SNX14: variants seen among roughly 807,000 people sequenced by gnomAD.
SNX14 encodes the protein sorting nexin 14.
SNX14 carries 93 observed loss-of-function variants against 133.8 expected under a neutral mutation model. That is an observed-to-expected ratio of 0.70 (90% confidence interval 0.59 to 0.83). The LOEUF (loss-of-function observed/expected upper bound fraction) is 0.83. Ranked by LOEUF, SNX14 falls within the 40% of genes least tolerant of loss-of-function variation. SNX14 has a pLI of 0.00. For synonymous variants in SNX14, 368 were observed against 365.6 expected, an observed-to-expected ratio of 1.01 and a Z score of -0.07; for missense variants, 945 against 1,094.9, an observed-to-expected ratio of 0.86 and a Z score of 1.93.
In SNX14 at chr6:85,514,198, T is replaced by TGAACTC; in HGVS notation, c.2428_2429insGAGTTC (p.His809_His810insArgVal). On this transcript the variant is annotated inframe_insertion, in exon 25 of 29. Coordinates refer to ENST00000314673, the MANE Select transcript of SNX14 (RefSeq NM_153816.6). The stretch of plus-strand genomic sequence containing the variant: ...GAGGATTCGAGTTCCCATTAAGAGA[T>TGAACTC]GATGAAGCCAGTCAGGAACCTGGAA... 3.1e-6 allele frequency: 5 copies of TGAACTC among 1,613,692 alleles called. No individual in the cohort carries two copies. Among genetic ancestry groups the TGAACTC allele is most frequent in the Non-Finnish European group, 4.2e-6 (5 of 1,179,866 alleles).
At chr6:85,514,272 A>T (rs1774009057) in intron 24 of SNX14, 38 bp from the exon 25 acceptor site, 1 of 1,565,892 alleles carries the variant, frequency 6.4e-7, no homozygotes. Flanking sequence ...ATTGTTCCAG[A>T]TGAATTGGTA....
chr6:85,530,956 CTAATT>C (rs1780107110), intron 18 of SNX14, among the ~76,000 whole-genome samples: 1 of 151,760 alleles, frequency 6.6e-6, no homozygotes. Context: ...CCATATTGTC[CTAATT>C]TAATATAGTA....
At chr6:85,510,036 A>G (rs947960505) in intron 26 of SNX14, among the ~76,000 whole-genome samples, 3 of 152,146 alleles carry the variant, frequency 2.0e-5, no homozygotes, top group Non-Finnish European at 4.4e-5. Flanking sequence ...TTATTTATCC[A>G]TTCACCTAAA....
chr6:85,587,657 C>G (rs923094642), intron 1 of SNX14, among the ~76,000 whole-genome samples: 2 of 151,546 alleles, frequency 1.3e-5, no homozygotes, highest in South Asian at 4.2e-4. Flanking sequence ...AGACGGGGTT[C>G]CGCCATGTTG....
At chr6:85,533,302 C>G (rs1266585784) in intron 18 of SNX14, among the ~76,000 whole-genome samples, 1 of 152,196 alleles carries the variant, frequency 6.6e-6, no homozygotes, top group Non-Finnish European at 1.5e-5. Flanking sequence ...TAAGTAAGTG[C>G]AATGGCTAAT....
At chr6:85,534,340 C>T (rs1342002958) in intron 17 of SNX14, among the ~76,000 whole-genome samples, 3 of 152,158 alleles carry the variant, frequency 2.0e-5, no homozygotes, top group Admixed American at 1.3e-4. Context: ...TAGGATCACT[C>T]GGCAGTGAAA....
At position 85,544,780 on chromosome 6, in the gene SNX14, G is replaced by T. The variant is rs1489116991; in HGVS notation, c.1109-1020C>A. Among the ~76,000 whole-genome samples, 3 of 152,166 alleles carry T rather than the reference G, an allele frequency of 2.0e-5. No individual in the cohort carries two copies. The South Asian group carries it at 6.2e-4, about 31-fold the overall frequency. Reference sequence around the variant, plus strand: ...ATCTTTTCAGACACACAAAAGCTAAGAAAATTTATCTCCAGCATATTTGTA... The same window carrying T: ...ATCTTTTCAGACACACAAAAGCTAATAAAATTTATCTCCAGCATATTTGTA... On this transcript the variant is annotated intron_variant, in intron 12 of 28. Transcript: ENST00000314673.
At chr6:85,579,998 G>C (rs1438229093) in intron 1 of SNX14, among the ~76,000 whole-genome samples, 1 of 152,100 alleles carries the variant, frequency 6.6e-6, no homozygotes, top group Non-Finnish European at 1.5e-5. Flanking sequence ...TGGTTATTTT[G>C]TTTACCAAGG....
At position 85,538,748 on chromosome 6, in the gene SNX14, A is replaced by AT. The variant is rs1159455726; in HGVS notation, c.1475+89dup. The stretch of plus-strand genomic sequence containing the variant: ...ATGGCAGTTAATACCACAGTGTTCC[A>AT]TTTTTTTCCTTTTTATTTGTATTAG... On this transcript the variant is annotated intron_variant, in intron 16 of 28. Transcript: ENST00000314673. 8.4e-6 allele frequency: 10 copies of AT among 1,194,638 alleles called. No individual in the cohort carries two copies. In the East Asian group the frequency reaches 1.3e-4, roughly 16 times the overall value. The allele number at this position is 1,194,638 out of a possible 1,614,324, so 74.0% of individuals were successfully genotyped here.
intron 12 of SNX14, among the ~76,000 whole-genome samples, chr6:85,544,444 T>C (rs1331473364): frequency 6.6e-6 from 1 of 152,026 alleles, no homozygotes. Flanking sequence ...TGCATATAAC[T>C]GGAGTTGTTA....
At chr6:85,563,537 G>T (rs2128159038) in intron 6 of SNX14, among the ~76,000 whole-genome samples, 1 of 152,014 alleles carries the variant, frequency 6.6e-6, no homozygotes, top group South Asian at 2.1e-4. Flanking sequence ...TATTACAGAT[G>T]CCCGCCCCCA....
rs370162460 is a variant in SNX14 at position 85,540,896 on chromosome 6, T to G, written c.1448+1089A>C. On this transcript the variant is annotated intron_variant, in intron 15 of 28. Coordinates refer to ENST00000314673, the MANE Select transcript of SNX14 (RefSeq NM_153816.6). ...GGTGTCTAGATGTTTGTGTCAATTTTGTACACATATTAGGTAAATGAAATG... is the reference window on the plus strand; with the variant it reads ...GGTGTCTAGATGTTTGTGTCAATTTGGTACACATATTAGGTAAATGAAATG... 7.0e-4 allele frequency among the ~76,000 whole-genome samples: 106 copies of G among 152,222 alleles called. 2 individuals are homozygous for G. In the South Asian group the frequency reaches 0.021, roughly 30 times the overall value.
chr6:85,549,911 G>A (rs1247625207), intron 7 of SNX14, 32 bp from the exon 8 acceptor site: 1 of 1,556,714 alleles, frequency 6.4e-7, no homozygotes, highest in Non-Finnish European at 8.7e-7. Flanking sequence ...ATTGAAACAA[G>A]TTAAGTGACA....
intron 8 of SNX14, among the ~76,000 whole-genome samples, chr6:85,548,642 C>T (rs1786637321): frequency 6.6e-6 from 1 of 151,846 alleles, no homozygotes; most frequent in African/African-American, 2.4e-5. Flanking sequence ...AAAAGTATTC[C>T]CTTAACAGGA....
At chr6:85,529,318 C>T (rs1779505914) in intron 19 of SNX14, among the ~76,000 whole-genome samples, 1 of 137,392 alleles carries the variant, frequency 7.3e-6, no homozygotes, top group Non-Finnish European at 1.6e-5. Flanking sequence ...AACAAGGAAA[C>T]GAAGAAGAAA....
intron 4 of SNX14, among the ~76,000 whole-genome samples, chr6:85,571,228 T>C (rs540911679): frequency 8.4e-4 from 127 of 151,796 alleles, no homozygotes; most frequent in African/African-American, 3.0e-3. Flanking sequence ...GGCGTGGTGG[T>C]GCACGCCTGC....
intron 4 of SNX14, 113 bp from the exon 5 acceptor site, chr6:85,567,690 T>G (rs937236966): frequency 4.8e-6 from 3 of 624,460 alleles, no homozygotes; most frequent in Admixed American, 8.2e-5. Context: ...TTATCACAAA[T>G]AGTGACAGTA....
At chr6:85,591,668 A>G (rs1562032256) in intron 1 of SNX14, among the ~76,000 whole-genome samples, 2 of 152,152 alleles carry the variant, frequency 1.3e-5, no homozygotes, top group Non-Finnish European at 1.5e-5. Context: ...TTAGAAACCT[A>G]AACTGACCCA....
Position 85,545,536 on chromosome 6 carries a change from A to T in SNX14, c.1108+1576T>A, listed in dbSNP as rs185106494. On this transcript the variant is annotated intron_variant, in intron 12 of 28. Transcript: ENST00000314673. ...AGACTTCAAGACTAAAAATTACCAA[A>T]GATAAAAGAGGAGCATTTTATAATG... 2.6e-5 allele frequency among the ~76,000 whole-genome samples: 4 copies of T among 152,366 alleles called. No homozygotes were observed. The East Asian group carries it at 7.7e-4, about 29-fold the overall frequency.
Sources: allele counts gnomAD v4.1 joint callset (sites outside exome capture counted in the v4.1 genomes callset), GRCh38; gene constraint gnomAD v4.1.1; transcripts MANE v1.5; gene names NCBI Gene and HGNC (gene_info 2026-07-23, HGNC 2026-07-21).